Variants in DISC1 observed in about 807,000 individuals in gnomAD.
DISC1 encodes the protein disrupted in schizophrenia 1 protein.
DISC1 carries 57 observed loss-of-function variants against 84.5 expected under a neutral mutation model. The observed-to-expected ratio is 0.67, with a 90% CI of 0.55 to 0.84. DISC1 has a LOEUF of 0.84. DISC1 is among the 40% of genes least tolerant of loss of function. The pLI, the probability that DISC1 is intolerant of heterozygous loss-of-function variation, is 0.00. For synonymous variants in DISC1, 411 were observed against 415.2 expected (o/e 0.99, Z 0.12); for missense variants, 1,000 against 1,057.8 (o/e 0.95, Z 0.76).
chr1:231,750,009 C>T lies in DISC1; in HGVS notation c.1201C>T (p.Leu401Phe). The T allele has an allele frequency of 1.2e-6, 2 of 1,614,244 alleles. No homozygotes were observed. Among genetic ancestry groups the T allele is most frequent in the East Asian group, 2.2e-5 (1 of 44,884 alleles). Residue 401 changes from leucine (L) to phenylalanine (F), a missense_variant, in exon 4 of 13, where the codon CTT becomes TTT. Leu to Phe is a conservative substitution (Grantham distance 22). This residue lies in a region of DISC1 where 311 missense variants were observed against 400.1 expected (regional missense o/e 0.78). Coordinates refer to ENST00000439617, the MANE Select transcript of DISC1 (RefSeq NM_018662.3). ...TCAACTTCCTTCAAGGCAGCCAGCT[C>T]TTAGCAGTTTCCTGGGTCACCTGGC... ...HFQLPSRQPA[L>F]SSFLGHLAAQ...
chr1:231,885,684 G>A (rs1487837051), intron 9 of DISC1, among the ~76,000 whole-genome samples: 1 of 152,174 alleles, frequency 6.6e-6, no homozygotes, highest in Non-Finnish European at 1.5e-5. Context: ...CAGTCCGTGT[G>A]TCAGTCCTGT....
intron 11 of DISC1, among the ~76,000 whole-genome samples, chr1:232,023,205 A>G (rs1669127213): frequency 6.6e-6 from 1 of 152,164 alleles, no homozygotes; most frequent in Non-Finnish European, 1.5e-5. Flanking sequence ...AAATATTTTG[A>G]TGCTTTGCCT....
chr1:231,779,971 A>G (rs997794177), intron 6 of DISC1, among the ~76,000 whole-genome samples: 1 of 152,066 alleles, frequency 6.6e-6, no homozygotes, highest in Non-Finnish European at 1.5e-5. Context: ...GCAACCTTGC[A>G]GGCTGTAACC....
chr1:231,714,951 G>T (rs1480456176), intron 3 of DISC1, among the ~76,000 whole-genome samples: 1 of 152,204 alleles, frequency 6.6e-6, no homozygotes, highest in Non-Finnish European at 1.5e-5. Context: ...GAATGTCAAA[G>T]AACTTGTGGG....
intron 9 of DISC1, among the ~76,000 whole-genome samples, chr1:231,882,280 G>A (rs1423076299): frequency 6.6e-6 from 1 of 152,152 alleles, no homozygotes; most frequent in Non-Finnish European, 1.5e-5. Flanking sequence ...ATGAGAAACG[G>A]CCAGGTAAAG....
chr1:231,862,549 T>G (rs1361977124), intron 9 of DISC1, among the ~76,000 whole-genome samples: 1 of 152,250 alleles, frequency 6.6e-6, no homozygotes, highest in Non-Finnish European at 1.5e-5. Flanking sequence ...GTATGATTGC[T>G]TTGTAATATT....
At chr1:231,720,835 G>A (rs373866605) in intron 3 of DISC1, 8 of 1,290,662 alleles carry the variant, frequency 6.2e-6, no homozygotes, top group East Asian at 5.5e-5. Flanking sequence ...ACGTGTTGTC[G>A]TTTCGTTTAC....
At chr1:231,860,009 G>A (rs1269398921) in intron 9 of DISC1, among the ~76,000 whole-genome samples, 1 of 152,104 alleles carries the variant, frequency 6.6e-6, no homozygotes, top group East Asian at 1.9e-4. Context: ...GCTTAGTGAT[G>A]GAAGGAGATT....
At chr1:231,650,343 A>G (rs2060506086) in intron 1 of DISC1, among the ~76,000 whole-genome samples, 1 of 152,176 alleles carries the variant, frequency 6.6e-6, no homozygotes, top group African/African-American at 2.4e-5. Flanking sequence ...GCTGGATATG[A>G]AATTCTGGGC....
chr1:231,963,525 CCA>C (rs1660677018), intron 10 of DISC1, among the ~76,000 whole-genome samples: 1 of 152,056 alleles, frequency 6.6e-6, no homozygotes, highest in Non-Finnish European at 1.5e-5. Flanking sequence ...CTCTCCCAGC[CCA>C]CCCCTCACCC....
intron 10 of DISC1, among the ~76,000 whole-genome samples, chr1:231,994,198 C>T (rs1484561110): frequency 6.6e-6 from 1 of 152,224 alleles, no homozygotes; most frequent in Non-Finnish European, 1.5e-5. Context: ...CAGGGCTGAA[C>T]GTGCACAATG....
intron 12 of DISC1, among the ~76,000 whole-genome samples, chr1:232,026,889 C>T (rs1669527573): frequency 6.7e-6 from 1 of 149,960 alleles, no homozygotes; most frequent in Admixed American, 6.7e-5. Flanking sequence ...GCTGGGATTA[C>T]AGGTGCCCGC....
At chr1:231,915,404 A>G (rs2089544328) in intron 9 of DISC1, among the ~76,000 whole-genome samples, 1 of 152,214 alleles carries the variant, frequency 6.6e-6, no homozygotes, top group African/African-American at 2.4e-5. Flanking sequence ...CTGCCCAATG[A>G]CACTCCCACT....
At chr1:231,681,279 G>A (rs1460420617) in intron 1 of DISC1, among the ~76,000 whole-genome samples, 1 of 152,176 alleles carries the variant, frequency 6.6e-6, no homozygotes, top group Non-Finnish European at 1.5e-5. Context: ...TGCTTCAGTT[G>A]GGAAAGAGAG....
intron 6 of DISC1, among the ~76,000 whole-genome samples, chr1:231,789,877 G>A (rs920828392): frequency 2.0e-5 from 3 of 152,082 alleles, no homozygotes; most frequent in Admixed American, 6.6e-5. Context: ...ATTGAAGGGA[G>A]CCCTTTTTCA....
chr1:232,025,278 C>T lies in DISC1; in HGVS notation c.2308-1157C>T, dbSNP rs553761179. ...AAAAGAACAGCATGAGAGAGGGCAACGGGGTTAGTCCTATTGGCAAAGCTT... is the reference window on the plus strand; with the variant it reads ...AAAAGAACAGCATGAGAGAGGGCAATGGGGTTAGTCCTATTGGCAAAGCTT... On this transcript the variant is annotated intron_variant, in intron 11 of 12. Transcript: ENST00000439617. 5.3e-5 allele frequency among the ~76,000 whole-genome samples: 8 copies of T among 152,176 alleles called. No individual in the cohort carries two copies. The East Asian group carries it at 5.8e-4, about 11-fold the overall frequency.
intron 9 of DISC1, among the ~76,000 whole-genome samples, chr1:231,907,131 C>CTTTCTT (rs1334782802): frequency 3.9e-4 from 36 of 93,198 alleles, no homozygotes; most frequent in African/African-American, 1.6e-3. Context: ...TCCTTCCTTC[C>CTTTCTT]TCTTTCTTTC....
chr1:231,636,273 G>A (rs1165639975), intron 1 of DISC1, among the ~76,000 whole-genome samples: 1 of 152,170 alleles, frequency 6.6e-6, no homozygotes, highest in Non-Finnish European at 1.5e-5. Context: ...TTTCTCCTCT[G>A]TAGGGTGGCA....
chr1:231,655,323 C>T (rs2060965495), intron 1 of DISC1, among the ~76,000 whole-genome samples: 1 of 152,108 alleles, frequency 6.6e-6, no homozygotes, highest in African/African-American at 2.4e-5. Flanking sequence ...AGCTTAGCTC[C>T]CATTTACCAA....
Sources: gnomAD v4.1 joint callset for allele counts (sites outside exome capture counted in the v4.1 genomes callset) on GRCh38, gnomAD v4.1.1 for gene constraint, gnomAD v4.1.1 regional missense constraint, MANE v1.5 for transcripts, NCBI Gene and HGNC (gene_info 2026-07-23, HGNC 2026-07-21) for gene names.